The following RBM33 variants were observed in gnomAD, a reference collection of about 807,000 sequenced individuals.
RBM33 encodes the protein RNA-binding protein 33.
In RBM33, 28 loss-of-function variants were observed where a neutral mutation model predicts 132.6. That is an observed-to-expected ratio of 0.21 (90% confidence interval 0.16 to 0.29). The LOEUF is 0.29. Ranked by LOEUF, RBM33 falls within the 10% of genes least tolerant of loss-of-function variation. The pLI is 1.00. For missense variants in RBM33, 1,291 were observed against 1,518.5 expected (o/e 0.85, Z 2.49); for synonymous variants, 634 against 593.0 (o/e 1.07, Z -1.01).
intron 5 of RBM33, among the ~76,000 whole-genome samples, chr7:155,688,695 A>G (rs963123014): frequency 2.6e-5 from 4 of 152,236 alleles, no homozygotes; most frequent in Admixed American, 2.6e-4. Flanking sequence ...AAGGGCTGTT[A>G]AATTTTGTTG....
intron 5 of RBM33, among the ~76,000 whole-genome samples, chr7:155,693,088 C>A (rs1799691485): frequency 6.6e-6 from 1 of 151,992 alleles, no homozygotes; most frequent in African/African-American, 2.4e-5. Flanking sequence ...TCAAAAAAAA[C>A]AAAAAGTCTA....
chr7:155,772,487 G>A (rs1271613986), intron 16 of RBM33, among the ~76,000 whole-genome samples: 1 of 152,174 alleles, frequency 6.6e-6, no homozygotes, highest in Non-Finnish European at 1.5e-5. Context: ...GAGAAAACAG[G>A]TCTCTGTCAA....
intron 9 of RBM33, among the ~76,000 whole-genome samples, chr7:155,733,335 C>A (rs562992067): frequency 7.3e-6 from 1 of 137,474 alleles, no homozygotes; most frequent in Non-Finnish European, 1.6e-5. Flanking sequence ...CCCCCCACTG[C>A]GTTTTTATTA....
intron 7 of RBM33, among the ~76,000 whole-genome samples, chr7:155,709,331 A>G (rs1800209683): frequency 6.6e-6 from 1 of 152,184 alleles, no homozygotes; most frequent in Non-Finnish European, 1.5e-5. Context: ...GGTTTTTGGT[A>G]TTGAGCATTG....
rs960455460 is a variant in RBM33 at position 155,780,990 on chromosome 7, C to A, written c.*5949C>A. 6.5e-6 allele frequency: 1 copy of A among 152,802 alleles called. No homozygotes were observed. The highest frequency in any genetic ancestry group is 1.5e-5 in the Non-Finnish European group (1 of 68,096). 9.5% of individuals were successfully genotyped at this position (152,802 alleles called of 1,614,324 possible). A position where few individuals can be genotyped will look rare whatever the true frequency, so the allele number is the denominator to read the frequency against. ...TCTTTGTTTCCCGCCCCTCTGCTTTCGCAGGAGCTCTTGTGCTTGAGTTCA... is the reference window on the plus strand; with the variant it reads ...TCTTTGTTTCCCGCCCCTCTGCTTTAGCAGGAGCTCTTGTGCTTGAGTTCA... On this transcript the variant is annotated 3_prime_UTR_variant, in exon 18 of 18. Transcript: ENST00000401878.
intron 5 of RBM33, among the ~76,000 whole-genome samples, chr7:155,690,357 A>G (rs942583974): frequency 1.5e-4 from 23 of 151,948 alleles, no homozygotes; most frequent in Admixed American, 1.3e-3. Context: ...TTGAGCCTAT[A>G]TGTGTCTCTG....
At chr7:155,713,695 C>G (rs1800374565) in intron 8 of RBM33, among the ~76,000 whole-genome samples, 1 of 152,186 alleles carries the variant, frequency 6.6e-6, no homozygotes, top group Admixed American at 6.5e-5. Context: ...CAGACTTTGA[C>G]TGTGTTTTGC....
chr7:155,676,717 C>T (rs951117768), intron 3 of RBM33, among the ~76,000 whole-genome samples: 8 of 152,164 alleles, frequency 5.3e-5, no homozygotes, highest in South Asian at 4.1e-4. Context: ...GAAAACTGTT[C>T]GCTCCAGTTC....
At chr7:155,670,505 T>C (rs959595879) in intron 2 of RBM33, among the ~76,000 whole-genome samples, 1 of 152,194 alleles carries the variant, frequency 6.6e-6, no homozygotes, top group African/African-American at 2.4e-5. Flanking sequence ...GTACATGTAG[T>C]TTCTGTGGGG....
intron 1 of RBM33, among the ~76,000 whole-genome samples, chr7:155,655,006 G>A (rs1178316408): frequency 6.6e-6 from 1 of 152,156 alleles, no homozygotes; most frequent in Non-Finnish European, 1.5e-5. Context: ...TAATGATCAT[G>A]TATTAGTTTG....
At chr7:155,648,928 C>CG (rs1798276054) in intron 1 of RBM33, among the ~76,000 whole-genome samples, 1 of 152,136 alleles carries the variant, frequency 6.6e-6, no homozygotes, top group African/African-American at 2.4e-5. Flanking sequence ...TTGGTGTATT[C>CG]AAGATTCTCT....
chr7:155,766,445 G>C, intron 15 of RBM33, 22 bp from the exon 16 acceptor site: 1 of 1,611,670 alleles, frequency 6.2e-7, no homozygotes. Context: ...AACTCTGAAT[G>C]TATTTCCTTT....
At chr7:155,750,736 T>G (rs977016446) in intron 14 of RBM33, among the ~76,000 whole-genome samples, 1 of 152,182 alleles carries the variant, frequency 6.6e-6, no homozygotes, top group African/African-American at 2.4e-5. Flanking sequence ...AAATGGTTTT[T>G]TTTTTTTTTG....
chr7:155,652,531 AAAG>A (rs1798384360), intron 1 of RBM33, among the ~76,000 whole-genome samples: 1 of 152,234 alleles, frequency 6.6e-6, no homozygotes, highest in African/African-American at 2.4e-5. Flanking sequence ...GGATTCTGGA[AAAG>A]AAGAAGAAAT....
rs1196155710 is a variant in RBM33 at position 155,776,205 on chromosome 7, A to G, written c.*1164A>G. On this transcript the variant is annotated 3_prime_UTR_variant, in exon 18 of 18. Transcript: ENST00000401878. This position sits in a 1 kb window ranked among gnomAD's most constrained non-coding sequence, Gnocchi z 4.0. Reference sequence around the variant, plus strand: ...GCAAACACTGAAAAAAGTGCCTTACAGTATTTCTGCTCATGAAAGAGTTTC... The same window carrying G: ...GCAAACACTGAAAAAAGTGCCTTACGGTATTTCTGCTCATGAAAGAGTTTC... 1 of 152,672 alleles carries G rather than the reference A, an allele frequency of 6.5e-6. No homozygotes were observed. Among genetic ancestry groups the G allele is most frequent in the African/African-American group, 2.4e-5 (1 of 41,476 alleles). 9.5% of individuals were successfully genotyped at this position (152,672 alleles called of 1,614,324 possible).
At chr7:155,704,287 A>T (rs1049038410) in intron 6 of RBM33, among the ~76,000 whole-genome samples, 4 of 152,164 alleles carry the variant, frequency 2.6e-5, no homozygotes, top group African/African-American at 7.2e-5. Flanking sequence ...TTGCTCTATC[A>T]GGATTGTGGA....
intron 2 of RBM33, among the ~76,000 whole-genome samples, chr7:155,665,457 G>A (rs76727872): frequency 0.013 from 2,005 of 152,310 alleles, 46 homozygotes; most frequent in African/African-American, 0.045. Context: ...GTTGTGTGGA[G>A]GGCTGCCAAT....
At chr7:155,723,326 A>G (rs1391155363) in intron 9 of RBM33, among the ~76,000 whole-genome samples, 2 of 152,212 alleles carry the variant, frequency 1.3e-5, no homozygotes, top group Admixed American at 1.3e-4. Context: ...TATAATTACC[A>G]GCACTTAAGC....
At chr7:155,677,334 G>C (rs1184617018) in intron 3 of RBM33, among the ~76,000 whole-genome samples, 1 of 150,702 alleles carries the variant, frequency 6.6e-6, no homozygotes, top group Non-Finnish European at 1.5e-5. Flanking sequence ...TCAGCCTCCC[G>C]AGTAGCTGGG....
Sources: gnomAD v4.1 joint callset for allele counts (sites outside exome capture counted in the v4.1 genomes callset) on GRCh38, gnomAD v4.1.1 for gene constraint, Gnocchi (gnomAD v3.1) non-coding constraint, MANE v1.5 for transcripts, NCBI Gene and HGNC (gene_info 2026-07-23, HGNC 2026-07-21) for gene names.